PHF14: variants seen among roughly 807,000 people sequenced by gnomAD.
The protein encoded by PHF14 is PHD finger protein 14.
PHF14 carries 55 observed loss-of-function variants against 117.9 expected under a neutral mutation model. That is an observed-to-expected ratio of 0.47 (90% CI 0.38 to 0.58). The LOEUF is 0.58. Ranked by LOEUF, PHF14 falls within the 20% of genes least tolerant of loss-of-function variation. PHF14 has a pLI of 0.00. For missense variants in PHF14, 978 were observed against 1,122.2 expected (o/e 0.87, Z 1.84); for synonymous variants, 409 against 368.6 (o/e 1.11, Z -1.26).
At chr7:11,083,203 G>A (rs1786221600) in intron 16 of PHF14, among the ~76,000 whole-genome samples, 1 of 152,150 alleles carries the variant, frequency 6.6e-6, no homozygotes, top group South Asian at 2.1e-4. Flanking sequence ...TTGGTGACTG[G>A]CCAAAGAGAA....
intron 17 of PHF14, among the ~76,000 whole-genome samples, chr7:11,140,354 A>G (rs1187114504): frequency 1.3e-5 from 2 of 152,176 alleles, no homozygotes; most frequent in East Asian, 3.8e-4. Context: ...TTCACAGCTC[A>G]GTAAATCTAC....
intron 16 of PHF14, among the ~76,000 whole-genome samples, chr7:11,067,091 T>C (rs534985892): frequency 6.6e-6 from 1 of 152,272 alleles, no homozygotes; most frequent in South Asian, 2.1e-4. Context: ...GGATTGAGAA[T>C]ATATAAAGAA....
intron 16 of PHF14, chr7:11,063,446 A>G (rs144424471): frequency 8.6e-5 from 84 of 976,888 alleles, no homozygotes; most frequent in Non-Finnish European, 9.7e-5. Context: ...ATCTTATATA[A>G]TGAACAAAAA....
chr7:11,072,652 T>C (rs1242680703), intron 16 of PHF14, among the ~76,000 whole-genome samples: 1 of 152,076 alleles, frequency 6.6e-6, no homozygotes, highest in Non-Finnish European at 1.5e-5. Flanking sequence ...AACTCTGATA[T>C]AACATATATA....
chr7:11,143,705 G>A (rs1390834500), intron 17 of PHF14, among the ~76,000 whole-genome samples: 1 of 152,042 alleles, frequency 6.6e-6, no homozygotes, highest in Non-Finnish European at 1.5e-5. Context: ...TCTTGTAAGT[G>A]TAACACCCAC....
chr7:11,112,660 A>T (rs1787484846), intron 17 of PHF14, among the ~76,000 whole-genome samples: 1 of 152,090 alleles, frequency 6.6e-6, no homozygotes, highest in African/African-American at 2.4e-5. Flanking sequence ...AATCCCAGCT[A>T]CTTGGGAGGC....
intron 16 of PHF14, among the ~76,000 whole-genome samples, chr7:11,076,848 A>G (rs1241294980): frequency 6.7e-6 from 1 of 150,058 alleles, no homozygotes; most frequent in Non-Finnish European, 1.5e-5. Flanking sequence ...GATTACAGGC[A>G]TGAGTCACTG....
intron 13 of PHF14, 64 bp downstream of exon 13, chr7:11,042,878 A>G: frequency 9.3e-7 from 1 of 1,074,560 alleles, no homozygotes; most frequent in South Asian, 1.5e-5. Flanking sequence ...GCAGTATAAG[A>G]TGAAATACTA....
At position 10,977,456 on chromosome 7, in the gene PHF14, GGTTTT is replaced by G. The variant is rs567789615; in HGVS notation, c.112+2512_112+2516del. The stretch of plus-strand genomic sequence containing the variant: ...TATAAAACTTTTTATATTTCTGTTT[GGTTTT>G]AAGAATAAATATAGAAAACATTTGC... On this transcript the variant is annotated intron_variant, in intron 2 of 17. Coordinates refer to ENST00000634607, the MANE Select transcript of PHF14 (RefSeq NM_001007157.2). Among the ~76,000 whole-genome samples the G allele has an allele frequency of 3.3e-4, 50 of 151,894 alleles. 1 individual carries two copies. The highest frequency in any genetic ancestry group is 1.2e-3 in the African/African-American group (50 of 41,466).
chr7:10,995,553 CAT>C (rs1170868674), intron 4 of PHF14, among the ~76,000 whole-genome samples: 1 of 152,244 alleles, frequency 6.6e-6, no homozygotes, highest in East Asian at 1.9e-4. Flanking sequence ...CGTGTGCCCG[CAT>C]TCCTCAGCCC....
At chr7:11,077,554 T>TCG (rs1213762727) in intron 16 of PHF14, among the ~76,000 whole-genome samples, 1 of 138,228 alleles carries the variant, frequency 7.2e-6, no homozygotes, top group African/African-American at 2.8e-5. Flanking sequence ...TGAGCCCAGA[T>TCG]CGCGCCACTG....
intron 3 of PHF14, among the ~76,000 whole-genome samples, chr7:10,985,183 A>G (rs1782174754): frequency 6.6e-6 from 1 of 152,154 alleles, no homozygotes; most frequent in African/African-American, 2.4e-5. Context: ...TTTTGTGAAA[A>G]GATGATTAAA....
At chr7:11,097,395 TA>T (rs756387864) in intron 16 of PHF14, among the ~76,000 whole-genome samples, 4 of 152,232 alleles carry the variant, frequency 2.6e-5, no homozygotes, top group Non-Finnish European at 5.9e-5. Context: ...TTAAGGTGAC[TA>T]ATCTATCATA....
chr7:11,137,237 G>A (rs1203947129), intron 17 of PHF14, among the ~76,000 whole-genome samples: 2 of 152,194 alleles, frequency 1.3e-5, no homozygotes, highest in Non-Finnish European at 2.9e-5. Context: ...ATGGCTGTGA[G>A]GGGAGGACTT....
intron 17 of PHF14, among the ~76,000 whole-genome samples, chr7:11,131,598 T>C (rs1217555755): frequency 6.6e-6 from 1 of 151,942 alleles, no homozygotes; most frequent in African/African-American, 2.4e-5. Flanking sequence ...TTGCAAAATA[T>C]TATCACTGTT....
chr7:10,997,828 A>G (rs1782714529), intron 4 of PHF14, among the ~76,000 whole-genome samples: 1 of 152,214 alleles, frequency 6.6e-6, no homozygotes, highest in Non-Finnish European at 1.5e-5. Context: ...AAGCAGTTGT[A>G]TCAGAGTGCT....
intron 4 of PHF14, among the ~76,000 whole-genome samples, chr7:10,993,934 AG>A (rs1346403749): frequency 6.7e-6 from 1 of 150,000 alleles, no homozygotes; most frequent in Non-Finnish European, 1.5e-5. Context: ...GCTGGAACCT[AG>A]GAGGTGGAGG....
intron 12 of PHF14, among the ~76,000 whole-genome samples, chr7:11,041,266 T>C (rs1366869443): frequency 2.0e-5 from 3 of 151,932 alleles, no homozygotes; most frequent in Non-Finnish European, 4.4e-5. Context: ...CGCATAAGTA[T>C]TTTTGTTTTT....
intron 16 of PHF14, among the ~76,000 whole-genome samples, chr7:11,077,630 C>T (rs1034773221): frequency 1.4e-5 from 2 of 143,988 alleles, no homozygotes; most frequent in African/African-American, 5.2e-5. Flanking sequence ...AAGACAGATT[C>T]AAGCACACTG....
Sources: allele counts gnomAD v4.1 joint callset (sites outside exome capture counted in the v4.1 genomes callset), GRCh38; gene constraint gnomAD v4.1.1; transcripts MANE v1.5; gene names NCBI Gene and HGNC (gene_info 2026-07-23, HGNC 2026-07-21).